Variants in FARP1 observed in about 807,000 individuals in gnomAD.
FARP1 encodes the protein FERM, ARH/RhoGEF and pleckstrin domain protein 1.
FARP1 carries 52 observed loss-of-function variants against 128.8 expected under a neutral mutation model. The ratio of observed to expected loss-of-function variants is 0.40; its 90% confidence interval spans 0.32 to 0.51. The LOEUF (loss-of-function observed/expected upper bound fraction) is 0.51, where lower values mean the gene tolerates loss of function less well. FARP1 is among the 20% of genes least tolerant of loss of function. The pLI is 0.45. For missense variants in FARP1, 1,333 were observed against 1,367.9 expected (o/e 0.97, Z 0.40); for synonymous variants, 580 against 551.8 (o/e 1.05, Z -0.72).
At chr13:98,248,379 G>A (rs575089648) in intron 2 of FARP1, among the ~76,000 whole-genome samples, 1 of 152,092 alleles carries the variant, frequency 6.6e-6, no homozygotes, top group Non-Finnish European at 1.5e-5. Flanking sequence ...GTTTCTCCCC[G>A]GGTAGAGGGC....
At chr13:98,273,559 A>G (rs528656393) in intron 2 of FARP1, among the ~76,000 whole-genome samples, 18 of 152,274 alleles carry the variant, frequency 1.2e-4, no homozygotes, top group Admixed American at 2.6e-4. Context: ...GGGCTTAGGA[A>G]TTTCTTTTTA....
rs1243493826 is a variant in FARP1, at chr13:98,450,914, G to A, written c.*2597G>A. ...CCCAGGAGAGAATGTACACAGAGGC[G>A]AGCTTTCTAACTCCATCAAACCCCA... is the stretch of plus-strand genomic sequence containing the variant. On this transcript the variant is annotated 3_prime_UTR_variant, in exon 27 of 27. Coordinates refer to ENST00000319562, the MANE Select transcript of FARP1 (RefSeq NM_005766.4). The A allele has an allele frequency of 1.3e-5, 2 of 152,270 alleles. No homozygotes were observed. The highest frequency in any genetic ancestry group is 2.9e-5 in the Non-Finnish European group (2 of 68,046). The allele number at this position is 152,270 out of a possible 1,614,324, so 9.4% of individuals were successfully genotyped here. A position where few individuals can be genotyped will look rare whatever the true frequency, so the allele number is the denominator to read the frequency against.
intron 2 of FARP1, among the ~76,000 whole-genome samples, chr13:98,285,866 C>T (rs1885141022): frequency 6.6e-6 from 1 of 152,148 alleles, no homozygotes; most frequent in Non-Finnish European, 1.5e-5. Flanking sequence ...GAAAAATGAT[C>T]CCAAGCCTTG....
At chr13:98,215,649 C>A (rs990890663) in intron 2 of FARP1, among the ~76,000 whole-genome samples, 1 of 152,136 alleles carries the variant, frequency 6.6e-6, no homozygotes, top group African/African-American at 2.4e-5. Context: ...CTGTCTATAT[C>A]CCCAGCATCT....
intron 2 of FARP1, among the ~76,000 whole-genome samples, chr13:98,303,535 A>G (rs1571524): frequency 0.17 from 26,613 of 152,248 alleles, 2,959 homozygotes; most frequent in East Asian, 0.27. Flanking sequence ...ATGTTCATAA[A>G]TGATGCTGTT....
chr13:98,340,486 A>G (rs955317605), intron 2 of FARP1, among the ~76,000 whole-genome samples: 5 of 152,028 alleles, frequency 3.3e-5, no homozygotes, highest in African/African-American at 7.2e-5. Context: ...CTGGGATTAC[A>G]GGAGCGGGCC....
chr13:98,286,457 A>G (rs1885172087), intron 2 of FARP1, among the ~76,000 whole-genome samples: 1 of 152,144 alleles, frequency 6.6e-6, no homozygotes. Context: ...TACTGTTCTC[A>G]TGGTAGTGAG....
intron 2 of FARP1, chr13:98,340,608 A>T (rs1887925797): frequency 6.6e-6 from 1 of 152,286 alleles, no homozygotes; most frequent in African/African-American, 2.4e-5. Flanking sequence ...GGCCTCCCAA[A>T]GTGCTGGGAT....
At chr13:98,289,355 C>T (rs1053467900) in intron 2 of FARP1, among the ~76,000 whole-genome samples, 1 of 152,094 alleles carries the variant, frequency 6.6e-6, no homozygotes, top group African/African-American at 2.4e-5. Context: ...AATGGAAGAC[C>T]GTTTCATTCC....
intron 2 of FARP1, among the ~76,000 whole-genome samples, chr13:98,327,798 C>G (rs1474489661): frequency 6.6e-6 from 1 of 152,078 alleles, no homozygotes; most frequent in Non-Finnish European, 1.5e-5. Flanking sequence ...CATAAAGGGT[C>G]GCAGCCTGCA....
intron 3 of FARP1, among the ~76,000 whole-genome samples, chr13:98,364,616 A>G (rs1889006017): frequency 6.6e-6 from 1 of 152,150 alleles, no homozygotes; most frequent in Admixed American, 6.5e-5. Context: ...CTTCTGTGGA[A>G]CCCTTTCAAA....
chr13:98,166,330 A>G (rs1481631049), intron 1 of FARP1, among the ~76,000 whole-genome samples: 1 of 152,212 alleles, frequency 6.6e-6, no homozygotes, highest in East Asian at 1.9e-4. Context: ...TTTGTTTTTA[A>G]TATACATAGA....
At chr13:98,224,306 T>A (rs1881609801) in intron 2 of FARP1, among the ~76,000 whole-genome samples, 1 of 151,882 alleles carries the variant, frequency 6.6e-6, no homozygotes, top group Admixed American at 6.6e-5. Flanking sequence ...GGCAGGTGGA[T>A]CACGAGGTCA....
At chr13:98,373,549 C>G (rs1249715826) in intron 5 of FARP1, among the ~76,000 whole-genome samples, 84 of 150,172 alleles carry the variant, frequency 5.6e-4, no homozygotes, top group African/African-American at 2.0e-3. Flanking sequence ...CACACACACA[C>G]ACACACACAC....
intron 2 of FARP1, among the ~76,000 whole-genome samples, chr13:98,241,597 T>C (rs1882776736): frequency 6.6e-6 from 1 of 152,146 alleles, no homozygotes; most frequent in Non-Finnish European, 1.5e-5. Flanking sequence ...CTGGGCAATA[T>C]AGTGAGATGT....
chr13:98,231,301 G>T (rs561481357), intron 2 of FARP1, among the ~76,000 whole-genome samples: 1 of 148,956 alleles, frequency 6.7e-6, no homozygotes, highest in African/African-American at 2.6e-5. Context: ...AACAGAGGAT[G>T]TAAAAAAAAA....
intron 1 of FARP1, among the ~76,000 whole-genome samples, chr13:98,192,814 T>G (rs1879323757): frequency 2.0e-5 from 3 of 152,184 alleles, no homozygotes; most frequent in Admixed American, 6.5e-5. Flanking sequence ...CCAGAGAAAT[T>G]TGCTTGTACA....
chr13:98,361,991 A>C (rs1888892934), intron 3 of FARP1, among the ~76,000 whole-genome samples: 1 of 152,158 alleles, frequency 6.6e-6, no homozygotes, highest in African/African-American at 2.4e-5. Context: ...GGGTTGGGCA[A>C]AGTGGCTCAT....
At chr13:98,153,294 AT>A (rs1257441857) in intron 1 of FARP1, among the ~76,000 whole-genome samples, 4 of 9,900 alleles carry the variant, frequency 4.0e-4, no homozygotes, top group African/African-American at 4.4e-4. Context: ...TAAAATATAT[AT>A]AAATATATTT....
Sources: gnomAD v4.1 joint callset for allele counts (sites outside exome capture counted in the v4.1 genomes callset) on GRCh38, gnomAD v4.1.1 for gene constraint, MANE v1.5 for transcripts, NCBI Gene and HGNC (gene_info 2026-07-23, HGNC 2026-07-21) for gene names.